Variants in MBNL2 observed in about 807,000 individuals in gnomAD.
MBNL2 encodes the protein muscleblind-like protein 2.
In MBNL2, 17 loss-of-function variants were observed where a neutral mutation model predicts 41.9. The ratio of observed to expected loss-of-function variants is 0.41; its 90% confidence interval spans 0.28 to 0.61. MBNL2 has a LOEUF of 0.61. MBNL2 is among the 20% of genes least tolerant of loss of function. The pLI is 0.35. For missense variants in MBNL2, 336 were observed against 505.6 expected (o/e 0.66, Z 3.22); for synonymous variants, 195 against 182.9 (o/e 1.07, Z -0.53).
chr13:97,375,386 C>T lies in MBNL2; in HGVS notation c.1048+10215C>T, dbSNP rs147410001. Among the ~76,000 whole-genome samples, 322 of 152,286 alleles carry T rather than the reference C, an allele frequency of 2.1e-3. 2 individuals are homozygous for T. The highest frequency in any genetic ancestry group is 7.2e-3 in the African/African-American group (298 of 41,564). On this transcript the variant is annotated intron_variant, in intron 8 of 8. Transcript: ENST00000679496. ...TAAAACACCAAGTCCAGCTGGCAAA[C>T]GTTGCTGCTGGGAAAGTAAGCGCCA...
At chr13:97,249,405 T>C (rs773908082) in intron 1 of MBNL2, among the ~76,000 whole-genome samples, 203 of 152,378 alleles carry the variant, frequency 1.3e-3, no homozygotes, top group Non-Finnish European at 2.2e-3. Context: ...TTTAGTTTTA[T>C]TTTATTTTCT....
At chr13:97,355,022 T>C (rs2062863853) in intron 5 of MBNL2, among the ~76,000 whole-genome samples, 1 of 152,166 alleles carries the variant, frequency 6.6e-6, no homozygotes, top group African/African-American at 2.4e-5. Context: ...TACTTAACAA[T>C]GCAAAGCTGT....
the MBNL2 span, among the ~76,000 whole-genome samples, chr13:97,160,336 A>G: frequency 6.6e-6 from 1 of 152,194 alleles, no homozygotes; most frequent in African/African-American, 2.4e-5. Flanking sequence ...AGCCCCTCCA[A>G]TAAATCTCAG....
chr13:97,285,794 CTG>C (rs1300728458), intron 2 of MBNL2, among the ~76,000 whole-genome samples: 1 of 151,190 alleles, frequency 6.6e-6, no homozygotes, highest in African/African-American at 2.5e-5. Flanking sequence ...CCTTGGAAGA[CTG>C]TATTCACACT....
chr13:97,299,924 G>A (rs2057451057), intron 2 of MBNL2, among the ~76,000 whole-genome samples: 1 of 152,098 alleles, frequency 6.6e-6, no homozygotes, highest in Non-Finnish European at 1.5e-5. Flanking sequence ...CTAAACCAGT[G>A]AGCAAAAAGC....
At chr13:97,358,889 CTG>C (rs1271121394) in intron 7 of MBNL2, among the ~76,000 whole-genome samples, 2 of 152,056 alleles carry the variant, frequency 1.3e-5, no homozygotes, top group East Asian at 3.9e-4. Flanking sequence ...TAAAATATTT[CTG>C]TGATATTCTT....
chr13:97,340,711 G>C (rs2061379870), intron 3 of MBNL2, among the ~76,000 whole-genome samples: 1 of 152,138 alleles, frequency 6.6e-6, no homozygotes, highest in South Asian at 2.1e-4. Context: ...AGGCCTCTCT[G>C]AGTCTAAAAT....
At chr13:97,275,195 A>C (rs532029751) in intron 1 of MBNL2, among the ~76,000 whole-genome samples, 60 of 152,306 alleles carry the variant, frequency 3.9e-4, no homozygotes, top group Middle Eastern at 3.4e-3. Flanking sequence ...CATAAAGAAG[A>C]AAGAGCCCAC....
the MBNL2 span, among the ~76,000 whole-genome samples, chr13:97,165,128 A>G: frequency 6.6e-6 from 1 of 152,152 alleles, no homozygotes; most frequent in Admixed American, 6.5e-5. Flanking sequence ...TGCTTGAACC[A>G]GGAAGGTGGA....
chr13:97,159,365 G>A, the MBNL2 span, among the ~76,000 whole-genome samples: 4 of 151,856 alleles, frequency 2.6e-5, no homozygotes, highest in East Asian at 3.9e-4. Flanking sequence ...GCCAGTCTGT[G>A]TCTTTTAATT....
intron 2 of MBNL2, among the ~76,000 whole-genome samples, chr13:97,317,659 TTAG>T (rs1203741081): frequency 5.3e-5 from 8 of 152,348 alleles, no homozygotes; most frequent in Non-Finnish European, 8.8e-5. Context: ...CCAGAGGCTG[TTAG>T]TGGTGCCTTG....
At position 97,334,009 on chromosome 13, in the gene MBNL2, AG is replaced by A; in HGVS notation, c.175-266del. ...GAGGGAAAGAAAGAGAAAGAGAGAA[AG>A]AGAGAGAGGGAGGGAGGGAGGGAAA... On this transcript the variant is annotated intron_variant, in intron 2 of 8. Coordinates refer to ENST00000679496, the MANE Select transcript of MBNL2 (RefSeq NM_001382683.1). The surrounding 1 kb of genome is among the most constrained non-coding windows in gnomAD (Gnocchi z 5.3). Among the ~76,000 whole-genome samples, 1 of 70,604 alleles carries A rather than the reference AG, an allele frequency of 1.4e-5. No homozygotes were observed. The highest frequency in any genetic ancestry group is 3.2e-5 in the Non-Finnish European group (1 of 31,568). 46.3% of individuals were successfully genotyped at this position (70,604 alleles called of 152,430 possible).
At chr13:97,292,519 T>C (rs2056331185) in intron 2 of MBNL2, among the ~76,000 whole-genome samples, 1 of 152,234 alleles carries the variant, frequency 6.6e-6, no homozygotes, top group Non-Finnish European at 1.5e-5. Flanking sequence ...CTTAACTTTT[T>C]CTTTGCCATT....
At chr13:97,331,642 A>C (rs2060450458) in intron 2 of MBNL2, among the ~76,000 whole-genome samples, 1 of 152,178 alleles carries the variant, frequency 6.6e-6, no homozygotes, top group Non-Finnish European at 1.5e-5. Flanking sequence ...TGGCCTTGGG[A>C]AAGTTTCTTT....
intron 8 of MBNL2, among the ~76,000 whole-genome samples, chr13:97,368,412 TTAAAATAAAA>T (rs113780491): frequency 1.0e-4 from 15 of 146,160 alleles, no homozygotes; most frequent in East Asian, 4.0e-4. Flanking sequence ...ACACCCTGTC[TTAAAATAAAA>T]TAAAATAAAA....
intron 8 of MBNL2, among the ~76,000 whole-genome samples, chr13:97,384,598 G>A (rs979206849): frequency 1.5e-4 from 23 of 152,284 alleles, no homozygotes; most frequent in African/African-American, 5.5e-4. Context: ...TGGGAAGAAG[G>A]AACTTGTGAG....
the MBNL2 span, among the ~76,000 whole-genome samples, chr13:97,208,221 A>G: frequency 6.6e-6 from 1 of 152,236 alleles, no homozygotes; most frequent in Non-Finnish European, 1.5e-5. Context: ...TGTAGTATGC[A>G]TTGATTCCCA....
At chr13:97,147,886 A>G in the MBNL2 span, among the ~76,000 whole-genome samples, 1 of 152,152 alleles carries the variant, frequency 6.6e-6, no homozygotes, top group Non-Finnish European at 1.5e-5. Context: ...AAGACAAGAC[A>G]CAGAATGCAG....
At chr13:97,150,659 G>T in the MBNL2 span, among the ~76,000 whole-genome samples, 2 of 152,152 alleles carry the variant, frequency 1.3e-5, no homozygotes, top group African/African-American at 2.4e-5. Context: ...GGCTGTTTAT[G>T]CCTGGCCTGA....
Sources: gnomAD v4.1 joint callset for allele counts (sites outside exome capture counted in the v4.1 genomes callset) on GRCh38, gnomAD v4.1.1 for gene constraint, Gnocchi (gnomAD v3.1) non-coding constraint, MANE v1.5 for transcripts, NCBI Gene and HGNC (gene_info 2026-07-23, HGNC 2026-07-21) for gene names.